The following GRID1 variants were observed in gnomAD, a reference collection of about 807,000 sequenced individuals.
GRID1 encodes glutamate ionotropic receptor delta type subunit 1.
A neutral mutation model predicts 98.0 loss-of-function variants in GRID1; 28 were observed. That is an observed-to-expected ratio of 0.29 (90% confidence interval 0.21 to 0.39). The LOEUF (loss-of-function observed/expected upper bound fraction) is 0.39. Ranked by LOEUF, GRID1 falls within the 10% of genes least tolerant of loss-of-function variation. GRID1 has a pLI of 1.00. For missense variants in GRID1, 1,111 were observed against 1,340.5 expected, an observed-to-expected ratio of 0.83 and a Z score of 2.67; for synonymous variants, 553 against 538.5, an observed-to-expected ratio of 1.03 and a Z score of -0.37.
At chr10:85,855,922 G>A (rs1403064994) in intron 7 of GRID1, 107 bp downstream of exon 7, 5 of 943,110 alleles carry the variant, frequency 5.3e-6, no homozygotes, top group Non-Finnish European at 8.3e-6. Flanking sequence ...GCCTACTGGG[G>A]CAGCCACACA....
At chr10:85,918,188 G>A (rs1010363307) in intron 4 of GRID1, among the ~76,000 whole-genome samples, 8 of 152,202 alleles carry the variant, frequency 5.3e-5, no homozygotes, top group Admixed American at 3.3e-4. Context: ...CATCTCAGTG[G>A]CTGGAACACT....
chr10:86,007,682 T>G (rs1842879001), intron 4 of GRID1, among the ~76,000 whole-genome samples: 1 of 152,150 alleles, frequency 6.6e-6, no homozygotes, highest in Non-Finnish European at 1.5e-5. Context: ...CCCTAAGAGC[T>G]TGTCTGGTAT....
chr10:86,366,321 G>T lies in GRID1; in HGVS notation c.72C>A (p.Ile24=). Residue 24 remains isoleucine (I), a synonymous_variant, in exon 1 of 16, where the codon ATC becomes ATA. Transcript: ENST00000327946. The surrounding 1 kb of genome is among the most constrained non-coding windows in gnomAD (Gnocchi z 4.1). The part of the protein sequence containing the change: ...QCVSVRADSI[I]HIGAIFEENA... ...GCCTCCAGCCGCGCTTACCGATGTG[G>T]ATGATGGAGTCGGCCCGCACCGACA... 6.6e-7 allele frequency: 1 copy of T among 1,504,084 alleles called. No homozygotes were observed. Among genetic ancestry groups the T allele is most frequent in the African/African-American group, 1.4e-5 (1 of 69,128 alleles). 93.2% of individuals were successfully genotyped at this position (1,504,084 alleles called of 1,614,324 possible).
At chr10:85,821,204 C>A (rs1382088273) in intron 8 of GRID1, among the ~76,000 whole-genome samples, 1 of 151,382 alleles carries the variant, frequency 6.6e-6, no homozygotes, top group South Asian at 2.1e-4. Context: ...ATAGGAAACA[C>A]CAAATAAACC....
At chr10:86,324,254 T>C (rs1434352512) in intron 2 of GRID1, among the ~76,000 whole-genome samples, 3 of 152,178 alleles carry the variant, frequency 2.0e-5, no homozygotes, top group Non-Finnish European at 4.4e-5. Context: ...TAGGTAGTGA[T>C]ACAGCTCGGG....
chr10:85,879,695 C>T (rs547157999), intron 5 of GRID1, among the ~76,000 whole-genome samples: 167 of 152,278 alleles, frequency 1.1e-3, no homozygotes, highest in Non-Finnish European at 2.0e-3. Flanking sequence ...GACACCCTAA[C>T]ATCACAATTA....
chr10:85,833,558 C>T (rs569222775), intron 8 of GRID1, among the ~76,000 whole-genome samples: 1 of 150,120 alleles, frequency 6.7e-6, no homozygotes, highest in South Asian at 2.1e-4. Flanking sequence ...GCAGAACACA[C>T]AGCTTCCTAA....
chr10:86,229,961 A>C (rs913405807), intron 2 of GRID1, among the ~76,000 whole-genome samples: 5 of 152,226 alleles, frequency 3.3e-5, no homozygotes, highest in Non-Finnish European at 5.9e-5. Flanking sequence ...TGGGATCCCC[A>C]GAGCCTGGCC....
At chr10:86,355,001 C>G (rs1388271064) in intron 2 of GRID1, among the ~76,000 whole-genome samples, 1 of 152,196 alleles carries the variant, frequency 6.6e-6, no homozygotes, top group East Asian at 1.9e-4. Flanking sequence ...CTCACACTGC[C>G]CAGCCCAGAA....
At chr10:86,253,259 T>TCTG (rs1229343400) in intron 2 of GRID1, among the ~76,000 whole-genome samples, 13 of 152,372 alleles carry the variant, frequency 8.5e-5, no homozygotes, top group African/African-American at 3.1e-4. Context: ...ATCCTGCATC[T>TCTG]CTGCATCGGA....
rs1564702430 is a variant in GRID1, at chr10:86,192,016, T to A, written c.520+14348A>T. Among the ~76,000 whole-genome samples the A allele has an allele frequency of 6.6e-6, 1 of 152,048 alleles. No homozygotes were observed. The highest frequency in any genetic ancestry group is 2.4e-5 in the African/African-American group (1 of 41,388). ...ACTGCGAGAAGGGATCTGAACTTGA[T>A]CCTTAAGGAGAGGGGGAGACATTCA... On this transcript the variant is annotated intron_variant, in intron 3 of 15. Transcript: ENST00000327946. The surrounding 1 kb of genome is among the most constrained non-coding windows in gnomAD (Gnocchi z 4.8).
At chr10:85,798,718 T>C (rs569098647) in intron 8 of GRID1, among the ~76,000 whole-genome samples, 1 of 152,262 alleles carries the variant, frequency 6.6e-6, no homozygotes, top group Non-Finnish European at 1.5e-5. Context: ...TTTTTGTTAT[T>C]GAGTTGTTGA....
intron 2 of GRID1, among the ~76,000 whole-genome samples, chr10:86,265,793 T>G (rs1847094791): frequency 6.6e-6 from 1 of 152,186 alleles, no homozygotes; most frequent in Non-Finnish European, 1.5e-5. Context: ...TGGTTAGGCA[T>G]CAAACGAATC....
intron 2 of GRID1, among the ~76,000 whole-genome samples, chr10:86,282,026 T>C (rs1410451221): frequency 1.3e-5 from 2 of 152,206 alleles, no homozygotes; most frequent in Admixed American, 6.5e-5. Flanking sequence ...TGGCATCCAG[T>C]CATCTGGGTT....
intron 4 of GRID1, among the ~76,000 whole-genome samples, chr10:86,033,694 T>C (rs773424153): frequency 7.5e-4 from 114 of 152,332 alleles, no homozygotes; most frequent in Middle Eastern, 6.8e-3. Flanking sequence ...GCCTCCAGGC[T>C]GGACAGGGCT....
intron 3 of GRID1, among the ~76,000 whole-genome samples, chr10:86,143,054 T>C (rs542413773): frequency 9.8e-5 from 15 of 152,304 alleles, no homozygotes; most frequent in African/African-American, 3.1e-4. Context: ...GGGTTTACGA[T>C]CCATCAGAGA....
chr10:85,684,567 C>T (rs1841247402), intron 12 of GRID1, among the ~76,000 whole-genome samples: 1 of 152,128 alleles, frequency 6.6e-6, no homozygotes, highest in Admixed American at 6.5e-5. Flanking sequence ...CTCTTAGCTT[C>T]ATAGAAATGA....
intron 12 of GRID1, among the ~76,000 whole-genome samples, chr10:85,718,172 C>T (rs1841661182): frequency 1.3e-5 from 2 of 152,238 alleles, no homozygotes; most frequent in Admixed American, 1.3e-4. Context: ...CTCCGCTAGG[C>T]AGTGCCCCAG....
At chr10:85,846,854 A>G (rs1449631367) in intron 8 of GRID1, among the ~76,000 whole-genome samples, 1 of 152,246 alleles carries the variant, frequency 6.6e-6, no homozygotes, top group Non-Finnish European at 1.5e-5. Flanking sequence ...TGTAGAAACC[A>G]GGAAATAAAG....
Sources: allele counts gnomAD v4.1 joint callset (sites outside exome capture counted in the v4.1 genomes callset), GRCh38; gene constraint gnomAD v4.1.1; non-coding constraint Gnocchi (gnomAD v3.1); transcripts MANE v1.5; gene names NCBI Gene and HGNC (gene_info 2026-07-23, HGNC 2026-07-21).